Variants in PAPOLA observed in about 807,000 individuals in gnomAD.
PAPOLA encodes polynucleotide adenylyltransferase alpha.
A neutral mutation model predicts 100.6 loss-of-function variants in PAPOLA; 15 were observed. The observed-to-expected ratio is 0.15, with a 90% CI of 0.10 to 0.23. The LOEUF is 0.23. PAPOLA is among the 10% of genes least tolerant of loss of function. The pLI, the probability that PAPOLA is intolerant of heterozygous loss-of-function variation, is 1.00. For synonymous variants in PAPOLA, 293 were observed against 300.0 expected, an observed-to-expected ratio of 0.98 and a Z score of 0.24; for missense variants, 533 against 884.2, an observed-to-expected ratio of 0.60 and a Z score of 5.04.
intron 10 of PAPOLA, chr14:96,535,097 G>C (rs915914537): frequency 6.4e-5 from 63 of 982,362 alleles, no homozygotes; most frequent in Non-Finnish European, 7.4e-5. Context: ...CTGTTTCTTG[G>C]GAAGTTACAA....
intron 10 of PAPOLA, 52 bp from the exon 11 acceptor site, chr14:96,535,827 G>GT: frequency 7.1e-7 from 1 of 1,401,552 alleles, no homozygotes; most frequent in Non-Finnish European, 9.4e-7. Context: ...AAAAGCCCAA[G>GT]TATCTGTTGC....
chr14:96,556,536 T>A (rs919306784), intron 19 of PAPOLA, 123 bp downstream of exon 19: 2 of 717,018 alleles, frequency 2.8e-6, no homozygotes, highest in Non-Finnish European at 4.8e-6. Context: ...TTTTAGAAAA[T>A]TTTAGGTGTG....
At chr14:96,552,242 ATTTC>A (rs1900901970) in intron 16 of PAPOLA, among the ~76,000 whole-genome samples, 1 of 152,146 alleles carries the variant, frequency 6.6e-6, no homozygotes, top group Admixed American at 6.5e-5. Flanking sequence ...TTAATACGGC[ATTTC>A]TTTCTCCCTT....
intron 12 of PAPOLA, among the ~76,000 whole-genome samples, chr14:96,540,998 T>G (rs192596850): frequency 2.0e-5 from 3 of 152,330 alleles, no homozygotes; most frequent in Admixed American, 1.3e-4. Flanking sequence ...CATGCCATTC[T>G]CCTGCCTCAG....
chr14:96,516,342 C>T (rs1301240465), intron 1 of PAPOLA, among the ~76,000 whole-genome samples: 1 of 151,262 alleles, frequency 6.6e-6, no homozygotes, highest in Non-Finnish European at 1.5e-5. Flanking sequence ...TCTTTCCTTC[C>T]CTTTCCTTCC....
chr14:96,517,248 A>G (rs996687776), intron 1 of PAPOLA, among the ~76,000 whole-genome samples: 8 of 152,234 alleles, frequency 5.3e-5, no homozygotes, highest in Admixed American at 3.3e-4. Context: ...ATCCCAGGAT[A>G]ATTGTGAAGG....
Position 96,502,704 on chromosome 14 carries a change from C to G in PAPOLA, c.8+104C>G, listed in dbSNP as rs1332254596. The G allele has an allele frequency of 6.0e-5, 79 of 1,306,596 alleles. No homozygotes were observed. In the South Asian group the frequency reaches 8.2e-4, roughly 13 times the overall value. 80.9% of individuals were successfully genotyped at this position (1,306,596 alleles called of 1,614,324 possible). ...GAGAGGGTGGCACGCGAGCCCGACC[C>G]TCCCCGCTGGTAGGAGGCAGGCAGG... On this transcript the variant is annotated intron_variant, in intron 1 of 21. Coordinates refer to ENST00000216277, the MANE Select transcript of PAPOLA (RefSeq NM_032632.5).
intron 17 of PAPOLA, 140 bp downstream of exon 17, chr14:96,552,762 T>G (rs1223112168): frequency 3.4e-5 from 25 of 740,506 alleles, no homozygotes; most frequent in Non-Finnish European, 4.9e-5. Flanking sequence ...AGCAATTTAA[T>G]TCCCAGGTTT....
chr14:96,511,602 C>G (rs1484986976), intron 1 of PAPOLA, among the ~76,000 whole-genome samples: 1 of 152,148 alleles, frequency 6.6e-6, no homozygotes, highest in Non-Finnish European at 1.5e-5. Flanking sequence ...CAAACTTCTA[C>G]TTTGCACTTG....
chr14:96,516,305 T>C (rs1191204423), intron 1 of PAPOLA, among the ~76,000 whole-genome samples: 6 of 152,144 alleles, frequency 3.9e-5, no homozygotes, highest in Admixed American at 3.3e-4. Context: ...TAGGTCTATG[T>C]TAACGTAGTT....
Position 96,542,760 on chromosome 14 carries a change from T to C in PAPOLA, c.1170-14T>C. 6.3e-7 allele frequency: 1 copy of C among 1,585,946 alleles called. No homozygotes were observed. ...ACCAAAACTTTTTGTTAATACTAAG[T>C]GACATTTGTTCAGGGTGGGCTTGGT... On this transcript the variant is annotated splice_polypyrimidine_tract_variant and intron_variant, in intron 13 of 21. Transcript: ENST00000216277.
chr14:96,550,472 AT>A (rs980370011), intron 16 of PAPOLA, among the ~76,000 whole-genome samples: 2 of 152,202 alleles, frequency 1.3e-5, no homozygotes, highest in African/African-American at 4.8e-5. Context: ...ATCATTAATG[AT>A]TGGAAATTTG....
At chr14:96,553,110 T>A (rs1316446082) in intron 17 of PAPOLA, 1 of 152,742 alleles carries the variant, frequency 6.5e-6, no homozygotes, top group African/African-American at 2.4e-5. Context: ...GGGGTCTGGC[T>A]GTGTTGTTTA....
intron 12 of PAPOLA, among the ~76,000 whole-genome samples, chr14:96,541,583 T>C (rs1185697927): frequency 6.6e-6 from 1 of 152,214 alleles, no homozygotes; most frequent in Non-Finnish European, 1.5e-5. Context: ...ATGATGCTAT[T>C]TTCTGAAGTG....
At chr14:96,517,374 T>A (rs117381787) in intron 1 of PAPOLA, among the ~76,000 whole-genome samples, 2,321 of 152,298 alleles carry the variant, frequency 0.015, 30 homozygotes, top group South Asian at 0.047. Flanking sequence ...TAAGAGTAGA[T>A]CTCAGGTTGC....
intron 4 of PAPOLA, chr14:96,527,101 C>A: frequency 4.2e-6 from 1 of 235,396 alleles, no homozygotes; most frequent in Non-Finnish European, 8.1e-6. Flanking sequence ...TACCAATGAA[C>A]ATGGCTATGA....
intron 1 of PAPOLA, among the ~76,000 whole-genome samples, chr14:96,517,316 A>G (rs753910427): frequency 4.6e-5 from 7 of 152,254 alleles, no homozygotes; most frequent in Non-Finnish European, 1.0e-4. Flanking sequence ...TAATACAATT[A>G]CGTTAGGATA....
intron 3 of PAPOLA, among the ~76,000 whole-genome samples, chr14:96,521,377 G>A (rs965586170): frequency 3.3e-5 from 5 of 152,044 alleles, no homozygotes; most frequent in African/African-American, 1.2e-4. Flanking sequence ...TCTCTAAAAA[G>A]GTGCTTTAAA....
chr14:96,555,826 T>C, intron 17 of PAPOLA, 21 bp from the exon 18 acceptor site: 1 of 1,338,364 alleles, frequency 7.5e-7, no homozygotes, highest in Non-Finnish European at 1.0e-6. Context: ...TTGAGACAAT[T>C]TTTAATTTTT....
Sources: allele counts gnomAD v4.1 joint callset (sites outside exome capture counted in the v4.1 genomes callset), GRCh38; gene constraint gnomAD v4.1.1; transcripts MANE v1.5; gene names NCBI Gene and HGNC (gene_info 2026-07-23, HGNC 2026-07-21).